Variants in SLC26A7 observed in about 807,000 individuals in gnomAD.
SLC26A7 encodes anion exchange transporter.
SLC26A7 carries 59 observed loss-of-function variants against 82.5 expected under a neutral mutation model. The ratio of observed to expected loss-of-function variants is 0.72; its 90% CI spans 0.58 to 0.89. SLC26A7 has a LOEUF of 0.89. Ranked by LOEUF, SLC26A7 falls within the 40% of genes least tolerant of loss-of-function variation. The probability of loss-of-function intolerance (pLI) is 0.00; values close to 1 mark genes in which losing one functional copy is unlikely to be tolerated. For synonymous variants in SLC26A7, 271 were observed against 274.3 expected, an observed-to-expected ratio of 0.99 and a Z score of 0.12; for missense variants, 820 against 793.0, an observed-to-expected ratio of 1.03 and a Z score of -0.41.
At chr8:91,336,515 C>A (rs574457858) in intron 6 of SLC26A7, among the ~76,000 whole-genome samples, 4 of 151,978 alleles carry the variant, frequency 2.6e-5, no homozygotes, top group Non-Finnish European at 4.4e-5. Context: ...CCATCTCCCC[C>A]CTCCTCCCCC....
At position 91,274,640 on chromosome 8, in the gene SLC26A7, C is replaced by T. The variant is rs557812708; in HGVS notation, c.194-14496C>T. 2.2e-4 allele frequency among the ~76,000 whole-genome samples: 33 copies of T among 152,342 alleles called. 1 individual carries two copies. In the South Asian group the frequency reaches 6.6e-3, roughly 31 times the overall value. On this transcript the variant is annotated intron_variant, in intron 2 of 18. Coordinates refer to ENST00000276609, the MANE Select transcript of SLC26A7 (RefSeq NM_052832.4). ...CTTAAAGGTCTCACCTCTTAATACT[C>T]TTATACTGACAACTAAATTTCAACA...
At chr8:91,357,224 A>T (rs1298092982) in intron 11 of SLC26A7, 1 of 152,154 alleles carries the variant, frequency 6.6e-6, no homozygotes, top group Admixed American at 6.6e-5. Context: ...AATTTTCAGG[A>T]TTCTGGCATT....
At chr8:91,371,470 C>G (rs1034673653) in intron 15 of SLC26A7, among the ~76,000 whole-genome samples, 2 of 151,854 alleles carry the variant, frequency 1.3e-5, no homozygotes, top group Non-Finnish European at 2.9e-5. Flanking sequence ...TTAGCTCCCA[C>G]TTATAAGTGA....
At chr8:91,277,842 A>G (rs1586354031) in intron 2 of SLC26A7, among the ~76,000 whole-genome samples, 1 of 122,690 alleles carries the variant, frequency 8.2e-6, no homozygotes, top group African/African-American at 3.3e-5. Flanking sequence ...TAAATAAACA[A>G]TGCTATCTTA....
At chr8:91,349,641 T>C (rs2130853453) in intron 9 of SLC26A7, among the ~76,000 whole-genome samples, 1 of 152,314 alleles carries the variant, frequency 6.6e-6, no homozygotes, top group East Asian at 1.9e-4. Context: ...TCTATGACCT[T>C]GGCATAGTCA....
At chr8:91,350,718 C>T (rs952073469) in intron 9 of SLC26A7, among the ~76,000 whole-genome samples, 3 of 152,114 alleles carry the variant, frequency 2.0e-5, no homozygotes, top group Middle Eastern at 3.4e-3. Flanking sequence ...ACACTTTATT[C>T]ACCAATTAGT....
At chr8:91,238,466 C>T (rs1317600440) in intron 2 of SLC26A7, among the ~76,000 whole-genome samples, 3 of 151,346 alleles carry the variant, frequency 2.0e-5, no homozygotes, top group African/African-American at 7.3e-5. Context: ...GATATAGCCA[C>T]TTCTGTTACA....
intron 15 of SLC26A7, among the ~76,000 whole-genome samples, chr8:91,375,354 C>T (rs574793665): frequency 6.6e-6 from 1 of 152,108 alleles, no homozygotes; most frequent in Non-Finnish European, 1.5e-5. Flanking sequence ...ACACAATATG[C>T]TTTCATGGTA....
At chr8:91,224,355 G>T (rs897955544) in intron 2 of SLC26A7, among the ~76,000 whole-genome samples, 3 of 152,064 alleles carry the variant, frequency 2.0e-5, no homozygotes, top group Non-Finnish European at 2.9e-5. Context: ...CTTGGATGGG[G>T]TTTTTTTGTG....
Position 91,352,924 on chromosome 8 carries a change from T to C in SLC26A7, c.1242T>C (p.Val414=), listed in dbSNP as rs772171602. The C allele has an allele frequency of 2.0e-5, 32 of 1,607,616 alleles. No homozygotes were observed. The South Asian group carries it at 2.3e-4, about 12-fold the overall frequency. The change falls in exon 11 of 19, where the codon GTT becomes GTC. Residue 414 remains valine, a synonymous_variant. Coordinates refer to ENST00000276609, the MANE Select transcript of SLC26A7 (RefSeq NM_052832.4). ...LPMCVLASII[V]VGLKGMLIQF... is the part of the protein sequence containing the mutation. ...AGTGTGTCCTTGCAAGCATTATTGT[T>C]GTGGGACTGAAGGGAATGCTAATAC...
intron 15 of SLC26A7, among the ~76,000 whole-genome samples, chr8:91,378,960 G>T (rs1038246880): frequency 6.6e-6 from 1 of 151,866 alleles, no homozygotes; most frequent in African/African-American, 2.4e-5. Flanking sequence ...TTAATAAGAA[G>T]TTAAAAGTTT....
intron 2 of SLC26A7, among the ~76,000 whole-genome samples, chr8:91,228,156 T>C (rs1047211849): frequency 6.6e-6 from 1 of 152,194 alleles, no homozygotes; most frequent in African/African-American, 2.4e-5. Context: ...CCTTGTCTCA[T>C]TAGAGTCAGT....
Position 91,369,811 on chromosome 8 carries a change from C to T in SLC26A7, c.1653C>T (p.Ser551=), listed in dbSNP as rs184516896. The change falls in exon 15 of 19, where the codon TCC becomes TCT. Residue 551 remains serine, a synonymous_variant. Coordinates refer to ENST00000276609, the MANE Select transcript of SLC26A7 (RefSeq NM_052832.4). The stretch of plus-strand genomic sequence containing the variant: ...GTGAACAAAACACATTGCTTAATTC[C>T]CTATCCAATGGCAACTGCAATGGTG... The part of the protein sequence containing the change: ...SKCEQNTLLN[S]LSNGNCNEEA... 60 of 1,598,986 alleles carry T rather than the reference C, an allele frequency of 3.8e-5. No individual in the cohort carries two copies. Among genetic ancestry groups the T allele is most frequent in the Non-Finnish European group, 3.6e-5 (42 of 1,173,196 alleles).
At chr8:91,348,465 T>A in intron 9 of SLC26A7, 2 of 531,638 alleles carry the variant, frequency 3.8e-6, no homozygotes, top group Non-Finnish European at 4.8e-6. Flanking sequence ...AAAATAATTG[T>A]TTGAGAACAT....
intron 8 of SLC26A7, 176 bp downstream of exon 8, chr8:91,340,727 C>T: frequency 1.4e-6 from 1 of 694,384 alleles, no homozygotes. Context: ...AAAAACCTGA[C>T]ATTGATTGTT....
At chr8:91,369,983 C>A in intron 15 of SLC26A7, 150 bp downstream of exon 15, 1 of 657,786 alleles carries the variant, frequency 1.5e-6, no homozygotes, top group Non-Finnish European at 2.6e-6. Flanking sequence ...CCTCTACTCT[C>A]CTCCTCCCTT....
intron 2 of SLC26A7, among the ~76,000 whole-genome samples, chr8:91,275,888 G>T (rs1418336031): frequency 6.6e-6 from 1 of 152,084 alleles, no homozygotes; most frequent in Non-Finnish European, 1.5e-5. Flanking sequence ...AGCGTTGTGT[G>T]CCTTTTCCCT....
intron 16 of SLC26A7, 21 bp from the exon 17 acceptor site, chr8:91,393,775 TA>T: frequency 6.2e-7 from 1 of 1,611,748 alleles, no homozygotes; most frequent in Non-Finnish European, 8.5e-7. Context: ...TAATTGTGGG[TA>T]TCCTATTTTA....
chr8:91,220,111 A>G (rs1411568357), intron 2 of SLC26A7, among the ~76,000 whole-genome samples: 1 of 152,138 alleles, frequency 6.6e-6, no homozygotes, highest in Non-Finnish European at 1.5e-5. Flanking sequence ...GGAGCACAGC[A>G]AAGAGATCCT....
Sources: gnomAD v4.1 joint callset for allele counts (sites outside exome capture counted in the v4.1 genomes callset) on GRCh38, gnomAD v4.1.1 for gene constraint, MANE v1.5 for transcripts, NCBI Gene and HGNC (gene_info 2026-07-23, HGNC 2026-07-21) for gene names.